The following TENM2 variants were observed in gnomAD, a reference collection of about 807,000 sequenced individuals.
TENM2 encodes the protein teneurin transmembrane protein 2.
Under a neutral mutation model 245.2 loss-of-function variants are expected in TENM2, and 52 were observed. The ratio of observed to expected loss-of-function variants is 0.21; its 90% CI spans 0.17 to 0.27. TENM2 has a LOEUF of 0.27. Among genes scored for constraint, TENM2 ranks in the 10% least tolerant of loss-of-function variants. The probability of loss-of-function intolerance (pLI) is 1.00; values close to 1 mark genes in which losing one functional copy is unlikely to be tolerated. For synonymous variants in TENM2, 1,363 were observed against 1,438.9 expected, an observed-to-expected ratio of 0.95 and a Z score of 1.19; for missense variants, 3,046 against 3,666.8, an observed-to-expected ratio of 0.83 and a Z score of 4.37.
chr5:167,550,585 G>A (rs1202472181), intron 2 of TENM2, among the ~76,000 whole-genome samples: 2 of 152,034 alleles, frequency 1.3e-5, no homozygotes, highest in African/African-American at 4.8e-5. Context: ...CTGGCAGTAT[G>A]TTCTAGAGGA....
At chr5:167,718,167 CT>C (rs1467977570) in intron 2 of TENM2, among the ~76,000 whole-genome samples, 1 of 152,186 alleles carries the variant, frequency 6.6e-6, no homozygotes, top group African/African-American at 2.4e-5. Flanking sequence ...CAAAGTCAAG[CT>C]CGGGGGATCT....
chr5:167,580,487 G>A (rs1454392070), intron 2 of TENM2, among the ~76,000 whole-genome samples: 1 of 152,198 alleles, frequency 6.6e-6, no homozygotes, highest in Non-Finnish European at 1.5e-5. Context: ...GTGCCAATCA[G>A]TCCTTGATAA....
intron 10 of TENM2, among the ~76,000 whole-genome samples, chr5:168,124,498 A>G (rs919738): frequency 0.3 from 46,333 of 152,092 alleles, 7,530 homozygotes; most frequent in East Asian, 0.63. Context: ...CCTATCGCAG[A>G]TGCTCTGATA....
chr5:167,153,282 G>A, the TENM2 span, among the ~76,000 whole-genome samples: 1 of 151,688 alleles, frequency 6.6e-6, no homozygotes, highest in Non-Finnish European at 1.5e-5. Flanking sequence ...TGATTAACAC[G>A]TATTTCATGT....
At position 167,724,069 on chromosome 5, in the gene TENM2, A is replaced by G. The variant is rs150358473; in HGVS notation, c.503-151917A>G. ...GGGTACTCTGTAATTTAACCAGGAC[A>G]ATTGTTGCAGTGAGACCAGAGATTG... On this transcript the variant is annotated intron_variant, in intron 2 of 28. Transcript: ENST00000518659. Among the ~76,000 whole-genome samples, 865 of 152,286 alleles carry G rather than the reference A, an allele frequency of 5.7e-3. 5 individuals are homozygous for G. The highest frequency in any genetic ancestry group is 0.017 in the Middle Eastern group (5 of 294).
the TENM2 span, among the ~76,000 whole-genome samples, chr5:167,013,431 T>C: frequency 6.6e-6 from 1 of 152,220 alleles, no homozygotes; most frequent in Admixed American, 6.5e-5. Flanking sequence ...AGCCATATTC[T>C]GATTCCAGGT....
At chr5:167,628,723 C>T (rs1478076344) in intron 2 of TENM2, among the ~76,000 whole-genome samples, 2 of 152,168 alleles carry the variant, frequency 1.3e-5, no homozygotes, top group African/African-American at 4.8e-5. Flanking sequence ...GGACAAATAA[C>T]CTCTCTGTCT....
At chr5:167,415,637 T>A (rs944876406) in intron 2 of TENM2, among the ~76,000 whole-genome samples, 2 of 151,346 alleles carry the variant, frequency 1.3e-5, no homozygotes, top group African/African-American at 4.9e-5. Context: ...AGAAAGTAAG[T>A]TAGATTTTTT....
chr5:168,170,498 C>T (rs1202643564), intron 13 of TENM2, among the ~76,000 whole-genome samples: 1 of 151,150 alleles, frequency 6.6e-6, no homozygotes, highest in Non-Finnish European at 1.5e-5. Context: ...CAGAGCGAGA[C>T]TCCATCTCAA....
At chr5:168,204,483 A>G in exon 19 of TENM2, 3 of 1,614,034 alleles carry the variant, frequency 1.9e-6, no homozygotes, top group South Asian at 1.1e-5. Flanking sequence ...CCCAGCTGCA[A>G]CGGCCTTGCT....
chr5:167,615,026 A>C (rs1777704852), intron 2 of TENM2, among the ~76,000 whole-genome samples: 1 of 152,150 alleles, frequency 6.6e-6, no homozygotes, highest in Non-Finnish European at 1.5e-5. Flanking sequence ...AGTTATGTTT[A>C]TGTAAACGAG....
chr5:167,504,419 G>T (rs1419723322), intron 2 of TENM2, among the ~76,000 whole-genome samples: 5 of 152,024 alleles, frequency 3.3e-5, no homozygotes, highest in African/African-American at 1.2e-4. Context: ...GCAATGTATT[G>T]CCTGTGGATT....
intron 2 of TENM2, among the ~76,000 whole-genome samples, chr5:167,687,452 A>G (rs1757148794): frequency 6.6e-6 from 1 of 152,204 alleles, no homozygotes; most frequent in Non-Finnish European, 1.5e-5. Flanking sequence ...GAACACATAC[A>G]TGTCCAACTT....
In TENM2 at chr5:167,950,566, C is replaced by T. The variant is rs551716426; in HGVS notation, c.713-2022C>T. Reference sequence around the variant, plus strand: ...CGCCCCATCTTCCTGAGGCAAGTCTCGTAATTACCTAACTAATGGGGAATA... The same window carrying T: ...CGCCCCATCTTCCTGAGGCAAGTCTTGTAATTACCTAACTAATGGGGAATA... On this transcript the variant is annotated intron_variant, in intron 3 of 28. Coordinates refer to ENST00000518659, the Ensembl canonical transcript of TENM2. 4.3e-4 allele frequency among the ~76,000 whole-genome samples: 65 copies of T among 152,044 alleles called. 1 individual carries two copies. Among genetic ancestry groups the T allele is most frequent in the Middle Eastern group, 6.8e-3 (2 of 294 alleles).
At chr5:167,823,535 G>A (rs945351036) in intron 2 of TENM2, among the ~76,000 whole-genome samples, 1 of 152,150 alleles carries the variant, frequency 6.6e-6, no homozygotes, top group Admixed American at 6.5e-5. Flanking sequence ...GGAGATTTAT[G>A]CAAGGGCAGT....
intron 2 of TENM2, among the ~76,000 whole-genome samples, chr5:167,529,775 A>C (rs193052680): frequency 1.9e-4 from 29 of 152,318 alleles, no homozygotes; most frequent in African/African-American, 6.5e-4. Flanking sequence ...TTAAGTTCCT[A>C]AATTCCTCTT....
At chr5:167,240,328 A>G in the TENM2 span, among the ~76,000 whole-genome samples, 1 of 151,128 alleles carries the variant, frequency 6.6e-6, no homozygotes, top group Non-Finnish European at 1.5e-5. Context: ...TTCTTTAGAG[A>G]TAATATTTGC....
At chr5:167,500,882 C>G (rs1769169104) in intron 2 of TENM2, among the ~76,000 whole-genome samples, 1 of 152,016 alleles carries the variant, frequency 6.6e-6, no homozygotes. Context: ...ACCGGTGGCC[C>G]CCAGTACTAA....
the TENM2 span, among the ~76,000 whole-genome samples, chr5:167,194,576 C>T: frequency 6.6e-6 from 1 of 151,882 alleles, no homozygotes; most frequent in Non-Finnish European, 1.5e-5. Context: ...AGCTGTTCCC[C>T]TTCTGAAATT....
Sources: allele counts gnomAD v4.1 joint callset (sites outside exome capture counted in the v4.1 genomes callset), GRCh38; gene constraint gnomAD v4.1.1; transcripts MANE v1.5; gene names NCBI Gene and HGNC (gene_info 2026-07-23, HGNC 2026-07-21).